CNTN4: variants seen among roughly 807,000 people sequenced by gnomAD.
CNTN4 encodes contactin 4.
A neutral mutation model predicts 122.5 loss-of-function variants in CNTN4; 77 were observed. That is an observed-to-expected ratio of 0.63 (90% CI 0.52 to 0.76). The LOEUF (loss-of-function observed/expected upper bound fraction) is 0.76, where lower values mean the gene tolerates loss of function less well. Among genes scored for constraint, CNTN4 ranks in the 30% least tolerant of loss-of-function variants. The probability of loss-of-function intolerance (pLI) is 0.00; values close to 1 mark genes in which losing one functional copy is unlikely to be tolerated. For missense variants in CNTN4, 1,256 were observed against 1,259.1 expected (o/e 1.00, Z 0.04); for synonymous variants, 512 against 447.0 (o/e 1.15, Z -1.83).
At chr3:2,292,887 T>C (rs2042184924) in intron 2 of CNTN4, among the ~76,000 whole-genome samples, 1 of 152,236 alleles carries the variant, frequency 6.6e-6, no homozygotes, top group Admixed American at 6.5e-5. Context: ...CAAGTCTTGT[T>C]GTGGACATAT....
chr3:2,830,864 A>G (rs1467577920), intron 7 of CNTN4, among the ~76,000 whole-genome samples: 3 of 152,174 alleles, frequency 2.0e-5, no homozygotes, highest in Non-Finnish European at 4.4e-5. Context: ...GTTACATGGA[A>G]TTAAGCAGGA....
chr3:3,038,490 G>A (rs113639536), intron 18 of CNTN4, among the ~76,000 whole-genome samples: 194 of 152,216 alleles, frequency 1.3e-3, no homozygotes, highest in African/African-American at 4.4e-3. Flanking sequence ...CCTGGTTGTC[G>A]ACCTTGCTCT....
At chr3:2,571,372 G>T in intron 3 of CNTN4, 44 bp from the exon 4 acceptor site, 1 of 733,112 alleles carries the variant, frequency 1.4e-6, no homozygotes, top group Non-Finnish European at 2.5e-6. Context: ...ACCACAAGGA[G>T]AAATATTCCC....
chr3:2,687,005 C>T (rs752203512), intron 4 of CNTN4, among the ~76,000 whole-genome samples: 20 of 152,122 alleles, frequency 1.3e-4, no homozygotes, highest in Admixed American at 1.3e-3. Flanking sequence ...GTTTGAGATT[C>T]CTTAGCTCAG....
At chr3:2,615,288 A>G (rs2081668926) in intron 4 of CNTN4, among the ~76,000 whole-genome samples, 1 of 152,228 alleles carries the variant, frequency 6.6e-6, no homozygotes, top group Non-Finnish European at 1.5e-5. Flanking sequence ...AAAAGCAACT[A>G]ATTAACAAGC....
intron 2 of CNTN4, among the ~76,000 whole-genome samples, chr3:2,212,851 C>CA (rs1323389462): frequency 1.3e-5 from 2 of 152,184 alleles, no homozygotes; most frequent in African/African-American, 4.8e-5. Context: ...TCACCTTGTG[C>CA]AATTCCCATA....
At chr3:2,631,941 A>G (rs1277714383) in intron 4 of CNTN4, among the ~76,000 whole-genome samples, 1 of 151,170 alleles carries the variant, frequency 6.6e-6, no homozygotes, top group Admixed American at 6.6e-5. Context: ...AATCCTACCT[A>G]CTTAGCAGGC....
chr3:2,308,437 C>T (rs2042795698), intron 2 of CNTN4, among the ~76,000 whole-genome samples: 1 of 151,928 alleles, frequency 6.6e-6, no homozygotes, highest in African/African-American at 2.4e-5. Context: ...TTTCTCCCTT[C>T]TGTTGCTCTT....
intron 2 of CNTN4, among the ~76,000 whole-genome samples, chr3:2,146,773 A>G (rs2035264643): frequency 1.3e-5 from 2 of 152,204 alleles, no homozygotes; most frequent in Admixed American, 1.3e-4. Context: ...AATGGTGATT[A>G]TCAGTACTTC....
chr3:2,227,170 AAAAG>A (rs2039317340), intron 2 of CNTN4, among the ~76,000 whole-genome samples: 1 of 152,184 alleles, frequency 6.6e-6, no homozygotes, highest in African/African-American at 2.4e-5. Context: ...CATATCAAAA[AAAAG>A]GAAAGAGACC....
At chr3:2,476,128 A>G (rs1330357490) in intron 3 of CNTN4, among the ~76,000 whole-genome samples, 1 of 152,198 alleles carries the variant, frequency 6.6e-6, no homozygotes, top group Admixed American at 6.5e-5. Context: ...GGACTCCTTT[A>G]GGGTGGGACT....
At chr3:2,579,108 T>C (rs2079822672) in intron 4 of CNTN4, among the ~76,000 whole-genome samples, 2 of 152,180 alleles carry the variant, frequency 1.3e-5, no homozygotes, top group South Asian at 4.1e-4. Context: ...TTAAGACCTC[T>C]CCTGAAGTAA....
chr3:2,917,775 G>A (rs977742325), intron 12 of CNTN4, among the ~76,000 whole-genome samples: 1 of 152,178 alleles, frequency 6.6e-6, no homozygotes, highest in African/African-American at 2.4e-5. Context: ...ATAAGATTGT[G>A]TAGAGGTTGG....
At chr3:2,970,123 G>A (rs373474629) in intron 13 of CNTN4, among the ~76,000 whole-genome samples, 1 of 152,142 alleles carries the variant, frequency 6.6e-6, no homozygotes, top group East Asian at 1.9e-4. Flanking sequence ...AGACAGTCTT[G>A]CTCTGTCGCC....
chr3:3,014,053 C>T (rs1337784082), intron 14 of CNTN4, among the ~76,000 whole-genome samples: 1 of 134,668 alleles, frequency 7.4e-6, no homozygotes, highest in Admixed American at 7.4e-5. Flanking sequence ...AATGTACACA[C>T]ACACACACAC....
chr3:2,921,870 A>G (rs1265595792), intron 12 of CNTN4, among the ~76,000 whole-genome samples: 2 of 152,212 alleles, frequency 1.3e-5, no homozygotes, highest in Non-Finnish European at 2.9e-5. Context: ...TACCCTTGAT[A>G]TATGACCAAA....
chr3:3,045,828 C>T (rs1374049140), intron 23 of CNTN4, among the ~76,000 whole-genome samples: 1 of 152,154 alleles, frequency 6.6e-6, no homozygotes, highest in African/African-American at 2.4e-5. Flanking sequence ...CCAAACTTCT[C>T]CGAGCTAAAG....
At chr3:2,893,143 CT>C (rs1313675958) in intron 10 of CNTN4, among the ~76,000 whole-genome samples, 1 of 152,122 alleles carries the variant, frequency 6.6e-6, no homozygotes, top group Non-Finnish European at 1.5e-5. Context: ...CAAAAAAACC[CT>C]TTTTTTCTTC....
At chr3:2,740,645 A>G (rs1462885904) in intron 5 of CNTN4, among the ~76,000 whole-genome samples, 1 of 68,454 alleles carries the variant, frequency 1.5e-5, no homozygotes, top group Non-Finnish European at 3.1e-5. Context: ...CTCTATTCAA[A>G]TTTGATAATG....
Sources: gnomAD v4.1 joint callset for allele counts (sites outside exome capture counted in the v4.1 genomes callset) on GRCh38, gnomAD v4.1.1 for gene constraint, MANE v1.5 for transcripts, NCBI Gene and HGNC (gene_info 2026-07-23, HGNC 2026-07-21) for gene names.